The following RPA3 variants were observed in gnomAD, a reference collection of about 807,000 sequenced individuals.
The protein encoded by RPA3 is replication protein A3.
Under a neutral mutation model 13.7 loss-of-function variants are expected in RPA3, and 24 were observed. That is an observed-to-expected ratio of 1.75 (90% CI 1.27 to 2.46). RPA3 has a LOEUF of 2.46. RPA3 is among the 30% of genes most tolerant of loss of function. RPA3 has a pLI of 0.00. For missense variants in RPA3, 183 were observed against 151.0 expected (o/e 1.21, Z -1.11); for synonymous variants, 59 against 51.2 (o/e 1.15, Z -0.65).
chr7:7,709,689 G>A (rs1336767568), intron 2 of RPA3, among the ~76,000 whole-genome samples: 4 of 152,098 alleles, frequency 2.6e-5, no homozygotes, highest in African/African-American at 9.7e-5. Flanking sequence ...TTTTTTACCT[G>A]CTGAGGGTAA....
chr7:7,662,828 G>A (rs1430101318), intron 4 of RPA3, among the ~76,000 whole-genome samples: 1 of 152,122 alleles, frequency 6.6e-6, no homozygotes, highest in Non-Finnish European at 1.5e-5. Context: ...AAATGTTGTG[G>A]TGTTTAGATT....
At chr7:7,698,279 C>T (rs375848984) in intron 2 of RPA3, among the ~76,000 whole-genome samples, 9 of 152,162 alleles carry the variant, frequency 5.9e-5, no homozygotes, top group African/African-American at 1.7e-4. Flanking sequence ...CAAAATATAA[C>T]AGTTCCCATT....
chr7:7,670,086 A>G (rs966952605), intron 4 of RPA3, among the ~76,000 whole-genome samples: 4 of 152,232 alleles, frequency 2.6e-5, no homozygotes, highest in African/African-American at 9.6e-5. Flanking sequence ...GTTTCACTTA[A>G]TTACTTGTTA....
chr7:7,695,947 G>A (rs913580706), intron 2 of RPA3, among the ~76,000 whole-genome samples: 3 of 151,728 alleles, frequency 2.0e-5, no homozygotes, highest in African/African-American at 7.3e-5. Context: ...TTTGTCTATA[G>A]GAGGCTCTTT....
chr7:7,642,796 C>T (rs1785004380), intron 4 of RPA3, among the ~76,000 whole-genome samples: 1 of 152,144 alleles, frequency 6.6e-6, no homozygotes, highest in African/African-American at 2.4e-5. Flanking sequence ...CAATGAAGCC[C>T]TCCTTGCTAC....
intron 4 of RPA3, among the ~76,000 whole-genome samples, chr7:7,681,758 C>T (rs368893905): frequency 5.5e-4 from 84 of 152,146 alleles, no homozygotes; most frequent in African/African-American, 1.9e-3. Context: ...AGGGTTTTCT[C>T]CTGTTATGAC....
chr7:7,692,030 C>T lies in RPA3; in HGVS notation c.-1027-4702G>A, dbSNP rs141788540. On this transcript the variant is annotated intron_variant, in intron 2 of 7. Coordinates refer to ENST00000223129, the MANE Select transcript of RPA3 (RefSeq NM_002947.5). Reference sequence around the variant, plus strand: ...GTTAGATTGAGAAAAAACTAAGCTTCTACACATAGTACAGTATGTTGATAA... The same window carrying T: ...GTTAGATTGAGAAAAAACTAAGCTTTTACACATAGTACAGTATGTTGATAA... Among the ~76,000 whole-genome samples the T allele has an allele frequency of 2.0e-4, 31 of 152,298 alleles. No homozygotes were observed. In the East Asian group the frequency reaches 5.4e-3, roughly 27 times the overall value.
At position 7,694,066 on chromosome 7, in the gene RPA3, G is replaced by A. The variant is rs112568556; in HGVS notation, c.-1027-6738C>T. ...CATTAGACACTTGAACAAGAGCAAA[G>A]CTTTAGATTTTTCTCCATACCTATA... On this transcript the variant is annotated intron_variant, in intron 2 of 7. Transcript: ENST00000223129. Among the ~76,000 whole-genome samples, 888 of 152,198 alleles carry A rather than the reference G, an allele frequency of 5.8e-3. 11 individuals carry two copies. Among genetic ancestry groups the A allele is most frequent in the African/African-American group, 0.02 (842 of 41,540 alleles).
At chr7:7,652,048 A>C (rs1490038946) in intron 4 of RPA3, among the ~76,000 whole-genome samples, 2 of 152,150 alleles carry the variant, frequency 1.3e-5, no homozygotes, top group Admixed American at 1.3e-4. Context: ...GAGGAAATCT[A>C]GTCCTGTAAG....
At chr7:7,677,038 A>G (rs1779758465) in intron 4 of RPA3, among the ~76,000 whole-genome samples, 1 of 152,032 alleles carries the variant, frequency 6.6e-6, no homozygotes, top group Non-Finnish European at 1.5e-5. Flanking sequence ...GTAAATAGAA[A>G]ATGCTTTTAA....
At chr7:7,694,478 G>A (rs1344026844) in intron 2 of RPA3, among the ~76,000 whole-genome samples, 3 of 151,988 alleles carry the variant, frequency 2.0e-5, no homozygotes, top group Admixed American at 2.0e-4. Context: ...CTTACTTATT[G>A]TATCAAACTA....
At chr7:7,656,218 G>T (rs116242803) in intron 4 of RPA3, among the ~76,000 whole-genome samples, 366 of 152,230 alleles carry the variant, frequency 2.4e-3, no homozygotes, top group African/African-American at 8.5e-3. Flanking sequence ...GTGGTTCTGA[G>T]GGTGGAAGTG....
rs773834167 is a variant in RPA3, at chr7:7,639,075, C to A, written c.169G>T (p.Glu57Ter). 4.3e-6 allele frequency: 7 copies of A among 1,610,594 alleles called. No individual in the cohort carries two copies. In the South Asian group the frequency reaches 6.6e-5, roughly 15 times the overall value. Reference sequence around the variant, plus strand: ...TTATTAACACTTAAACATACGGGTTCCATCAACTCGATGGTTCCATTTTTT... The same window carrying A: ...TTATTAACACTTAAACATACGGGTTACATCAACTCGATGGTTCCATTTTTT... ...EGKNGTIELM[E>*]PLDEEISGIV... is the part of the protein sequence containing the mutation. Residue 57 changes from glutamate (E) to a stop codon, truncating the protein, a stop_gained, in exon 6 of 8, where the codon GAA (glutamate) becomes TAA (stop). Coordinates refer to ENST00000223129, the MANE Select transcript of RPA3 (RefSeq NM_002947.5). LOFTEE classifies it high-confidence loss of function.
chr7:7,647,520 A>C (rs765464003), intron 4 of RPA3, among the ~76,000 whole-genome samples: 3 of 152,214 alleles, frequency 2.0e-5, no homozygotes, highest in Non-Finnish European at 4.4e-5. Context: ...TGTCTGCTTA[A>C]TATCTCAATT....
intron 4 of RPA3, among the ~76,000 whole-genome samples, chr7:7,649,149 A>G (rs1482753379): frequency 1.7e-5 from 2 of 117,878 alleles, no homozygotes; most frequent in East Asian, 5.2e-4. Context: ...CAAGAGCGAG[A>G]CTCCATCTCA....
chr7:7,652,845 A>T (rs1785254482), intron 4 of RPA3, among the ~76,000 whole-genome samples: 1 of 152,200 alleles, frequency 6.6e-6, no homozygotes, highest in Admixed American at 6.5e-5. Context: ...AAGTCAAATA[A>T]TTTTTAGTTG....
At position 7,637,986 on chromosome 7, in the gene RPA3, C is replaced by T. The variant is rs1784893545; in HGVS notation, c.175-14G>A. ...TTCTTCATCAAGCTAAGACACAGAA[C>T]AAGACATCGATTTGGTGATATCACA... On this transcript the variant is annotated splice_polypyrimidine_tract_variant and intron_variant, in intron 6 of 7. Transcript: ENST00000223129. The T allele has an allele frequency of 1.3e-6, 2 of 1,597,800 alleles. No homozygotes were observed. The highest frequency in any genetic ancestry group is 2.2e-5 in the East Asian group (1 of 44,678).
At chr7:7,639,238 C>G (rs1409325927) in intron 5 of RPA3, 94 bp from the exon 6 acceptor site, 5 of 843,856 alleles carry the variant, frequency 5.9e-6, no homozygotes, top group African/African-American at 1.7e-5. Context: ...CACAAATCAA[C>G]TGTTTCTTGA....
intron 4 of RPA3, among the ~76,000 whole-genome samples, chr7:7,665,824 CT>C (rs1331154292): frequency 0.024 from 3,467 of 142,878 alleles, 124 homozygotes; most frequent in African/African-American, 0.08. Flanking sequence ...TTTCCATCAG[CT>C]TTTTTTTTTT....
Sources: gnomAD v4.1 joint callset for allele counts (sites outside exome capture counted in the v4.1 genomes callset) on GRCh38, gnomAD v4.1.1 for gene constraint, MANE v1.5 for transcripts, NCBI Gene and HGNC (gene_info 2026-07-23, HGNC 2026-07-21) for gene names.